Variants in BTBD2 observed in about 807,000 individuals in gnomAD.
BTBD2 encodes BTB domain containing 2.
BTBD2 carries 15 observed loss-of-function variants against 44.0 expected under a neutral mutation model. The ratio of observed to expected loss-of-function variants is 0.34; its 90% confidence interval spans 0.23 to 0.53. BTBD2 has a LOEUF of 0.53. BTBD2 is among the 20% of genes least tolerant of loss of function. The probability of loss-of-function intolerance (pLI) is 0.95; values close to 1 mark genes in which losing one functional copy is unlikely to be tolerated. For missense variants in BTBD2, 657 were observed against 746.4 expected (o/e 0.88, Z 1.39); for synonymous variants, 443 against 335.9 (o/e 1.32, Z -3.49).
chr19:1,994,947 T>A (rs959947643), intron 2 of BTBD2, among the ~76,000 whole-genome samples: 9 of 152,110 alleles, frequency 5.9e-5, no homozygotes, highest in Admixed American at 1.3e-4. Context: ...CCCAATGTCA[T>A]GAAGATTTGA....
rs758566530 is a variant in BTBD2, at chr19:1,987,523, G to A, written c.1158C>T (p.Tyr386=). 4 of 1,598,614 alleles carry A rather than the reference G, an allele frequency of 2.5e-6. No individual in the cohort carries two copies. Among genetic ancestry groups the A allele is most frequent in the Non-Finnish European group, 3.4e-6 (4 of 1,173,836 alleles). The part of the protein sequence containing the change: ...RFQQVESRWG[Y]SGTSDRIRFS... ...ACCTGATGCGGTCACTGGTCCCGCT[G>A]TAGCCCCAGCGACTCTCCACCTGCT... Residue 386 remains tyrosine, a synonymous_variant, in exon 6 of 9, where the codon TAC becomes TAT. Coordinates refer to ENST00000255608, the MANE Select transcript of BTBD2 (RefSeq NM_017797.4).
At chr19:1,988,065 G>T (rs912841899) in intron 5 of BTBD2, 1 of 223,230 alleles carries the variant, frequency 4.5e-6, no homozygotes, top group Admixed American at 5.2e-5. Context: ...TTGGCTGGGA[G>T]GGGTCACTGT....
chr19:1,990,329 G>T, intron 4 of BTBD2, 128 bp from the exon 5 acceptor site: 2 of 961,688 alleles, frequency 2.1e-6, no homozygotes, highest in Non-Finnish European at 3.1e-6. Context: ...GCCCAAATCT[G>T]GCCCTGTGAG....
At chr19:2,012,538 AGGCCTCC>A (rs2016480188) in intron 1 of BTBD2, among the ~76,000 whole-genome samples, 2 of 152,210 alleles carry the variant, frequency 1.3e-5, no homozygotes, top group African/African-American at 4.8e-5. Context: ...TGTCCTCACA[AGGCCTCC>A]GGTCAGCGAG....
Position 1,997,439 on chromosome 19 carries a change from G to A in BTBD2, c.432C>T (p.Ala144=), listed in dbSNP as rs144229360. The change falls in exon 2 of 9, where the codon GCC becomes GCT. Residue 144 remains alanine (A), a synonymous_variant. Transcript: ENST00000255608. ...AHRFVLAVGS[A]VFDAMFNGGM... Reference sequence around the variant, plus strand: ...CCCCGTTGAACATGGCATCAAAGACGGCGCTGCCCACGGCCAGCACGAACC... The same window carrying A: ...CCCCGTTGAACATGGCATCAAAGACAGCGCTGCCCACGGCCAGCACGAACC... The A allele has an allele frequency of 1.4e-3, 2,265 of 1,614,126 alleles. 5 individuals are homozygous for A. The highest frequency in any genetic ancestry group is 5.8e-3 in the Middle Eastern group (35 of 6,062).
chr19:1,989,928 A>C, intron 5 of BTBD2, 76 bp downstream of exon 5: 1 of 1,529,438 alleles, frequency 6.5e-7, no homozygotes, highest in Non-Finnish European at 9.0e-7. Flanking sequence ...ACTCGGGGGC[A>C]CTATCCTCGG....
intron 7 of BTBD2, 75 bp from the exon 8 acceptor site, chr19:1,987,051 G>C: frequency 1.3e-6 from 2 of 1,589,454 alleles, no homozygotes; most frequent in East Asian, 4.5e-5. Context: ...CAGCCCACCT[G>C]CCCAGGGTGG....
chr19:2,009,686 C>T (rs973080251), intron 1 of BTBD2, among the ~76,000 whole-genome samples: 1 of 149,190 alleles, frequency 6.7e-6, no homozygotes, highest in African/African-American at 2.5e-5. Context: ...ACTGTCTCTA[C>T]TAAAAATACA....
At chr19:1,996,408 T>G (rs1447087242) in intron 2 of BTBD2, among the ~76,000 whole-genome samples, 1 of 152,088 alleles carries the variant, frequency 6.6e-6, no homozygotes, top group Non-Finnish European at 1.5e-5. Flanking sequence ...AACAATATTC[T>G]CTTCAATCCA....
In BTBD2 at chr19:1,987,474, C is replaced by A. The variant is rs780302016; in HGVS notation, c.1181+26G>T. 3.3e-6 allele frequency: 5 copies of A among 1,535,846 alleles called. 1 individual carries two copies. The highest frequency in any genetic ancestry group is 4.6e-4 in the Middle Eastern group (2 of 4,344). ...GAGTCCTCCACCCCCATGTCCGGAC[C>A]CCCCCGCCTGCACCCCAAGCCCCAC... On this transcript the variant is annotated intron_variant, in intron 6 of 8. Transcript: ENST00000255608.
At chr19:2,012,153 CTGT>C (rs2016473734) in intron 1 of BTBD2, among the ~76,000 whole-genome samples, 44 of 145,068 alleles carry the variant, frequency 3.0e-4, no homozygotes, top group African/African-American at 1.1e-3. Context: ...CGCGCCCAGC[CTGT>C]CCTTTATTTT....
intron 3 of BTBD2, chr19:1,991,079 C>G (rs923665518): frequency 7.1e-6 from 3 of 425,080 alleles, no homozygotes; most frequent in Non-Finnish European, 1.3e-5. Context: ...GAAAAAGATG[C>G]TCAGGTCCCT....
At chr19:1,992,645 C>T (rs746978952) in intron 3 of BTBD2, among the ~76,000 whole-genome samples, 3 of 152,090 alleles carry the variant, frequency 2.0e-5, no homozygotes, top group Non-Finnish European at 4.4e-5. Context: ...GATCTCGGCT[C>T]ACTGCAACCT....
In BTBD2 at chr19:1,986,384, G is replaced by C; in HGVS notation, c.*104C>G. The stretch of plus-strand genomic sequence containing the variant: ...CATGGAGTGGACAGACGGCCTGGGG[G>C]ACACTGGGCCTGGCACCGCGTGGTG... On this transcript the variant is annotated 3_prime_UTR_variant, in exon 9 of 9. Coordinates refer to ENST00000255608, the MANE Select transcript of BTBD2 (RefSeq NM_017797.4). 1 of 1,405,766 alleles carries C rather than the reference G, an allele frequency of 7.1e-7. No individual in the cohort carries two copies. Among genetic ancestry groups the C allele is most frequent in the African/African-American group, 1.4e-5 (1 of 71,146 alleles). The allele number at this position is 1,405,766 out of a possible 1,614,324, so 87.1% of individuals were successfully genotyped here. A position where few individuals can be genotyped will look rare whatever the true frequency, so the allele number is the denominator to read the frequency against.
intron 2 of BTBD2, among the ~76,000 whole-genome samples, chr19:1,995,714 C>G (rs11882855): frequency 0.59 from 88,216 of 150,244 alleles, 28,692 homozygotes; most frequent in African/African-American, 0.87. Flanking sequence ...TCAGTCCACT[C>G]CAACCTCCAT....
intron 2 of BTBD2, among the ~76,000 whole-genome samples, chr19:1,994,738 G>A (rs2016228061): frequency 6.6e-6 from 1 of 152,106 alleles, no homozygotes; most frequent in African/African-American, 2.4e-5. Context: ...CAGCCATGGT[G>A]GCAGAGCGCT....
At chr19:2,002,279 C>T (rs1354984707) in intron 1 of BTBD2, among the ~76,000 whole-genome samples, 1 of 152,172 alleles carries the variant, frequency 6.6e-6, no homozygotes, top group African/African-American at 2.4e-5. Flanking sequence ...CGGGGTCTCG[C>T]TATGTTGCCC....
At chr19:1,992,515 C>T (rs1241804246) in intron 3 of BTBD2, among the ~76,000 whole-genome samples, 4 of 152,158 alleles carry the variant, frequency 2.6e-5, no homozygotes, top group Admixed American at 1.3e-4. Context: ...GCTGGGGTTA[C>T]AGGCGTGAGC....
chr19:1,987,326 C>A, intron 6 of BTBD2, 73 bp from the exon 7 acceptor site: 1 of 1,553,110 alleles, frequency 6.4e-7, no homozygotes, highest in Non-Finnish European at 8.8e-7. Flanking sequence ...CGAGCCCACC[C>A]CCATGCCCGG....
Sources: allele counts gnomAD v4.1 joint callset (sites outside exome capture counted in the v4.1 genomes callset), GRCh38; gene constraint gnomAD v4.1.1; transcripts MANE v1.5; gene names NCBI Gene and HGNC (gene_info 2026-07-23, HGNC 2026-07-21).